COLEC10: variants seen among roughly 807,000 people sequenced by gnomAD.
COLEC10 encodes collectin subfamily member 10.
A neutral mutation model predicts 28.4 loss-of-function variants in COLEC10; 22 were observed. That is an observed-to-expected ratio of 0.78 (90% CI 0.55 to 1.11). COLEC10 has a LOEUF of 1.11. Ranked by LOEUF, COLEC10 falls within the 50% of genes least tolerant of loss-of-function variation. The pLI is 0.00. For missense variants in COLEC10, 361 were observed against 344.1 expected (o/e 1.05, Z -0.39); for synonymous variants, 125 against 116.1 (o/e 1.08, Z -0.49).
chr8:119,105,454 G>A (rs537728219), intron 5 of COLEC10, among the ~76,000 whole-genome samples: 27 of 152,200 alleles, frequency 1.8e-4, no homozygotes, highest in African/African-American at 6.5e-4. Context: ...AGAGAAAAGG[G>A]CCTGCTCATG....
intron 2 of COLEC10, among the ~76,000 whole-genome samples, chr8:119,019,664 C>A (rs1195692532): frequency 6.6e-6 from 1 of 152,088 alleles, no homozygotes; most frequent in African/African-American, 2.4e-5. Context: ...CACCGCTGAA[C>A]CTCCCCCACT....
intron 2 of COLEC10, among the ~76,000 whole-genome samples, chr8:119,090,904 A>G (rs933122680): frequency 6.6e-6 from 1 of 152,214 alleles, no homozygotes; most frequent in African/African-American, 2.4e-5. Context: ...CATTCTAGAA[A>G]TACTACATCA....
At chr8:119,040,696 A>C (rs910758011) in intron 2 of COLEC10, among the ~76,000 whole-genome samples, 5 of 152,210 alleles carry the variant, frequency 3.3e-5, no homozygotes, top group African/African-American at 7.2e-5. Context: ...TAATGAAAGG[A>C]CCATTTACAG....
chr8:119,072,499 G>T (rs1403779057), intron 1 of COLEC10, among the ~76,000 whole-genome samples: 1 of 151,962 alleles, frequency 6.6e-6, no homozygotes, highest in Non-Finnish European at 1.5e-5. Flanking sequence ...AAGGAATTGA[G>T]GTAAGAATTA....
the COLEC10 span, among the ~76,000 whole-genome samples, chr8:118,980,869 T>TTTTTTG: frequency 1.1e-4 from 17 of 152,112 alleles, no homozygotes; most frequent in African/African-American, 3.4e-4. Flanking sequence ...AAATGTGTGT[T>TTTTTTG]TTTTTGTTTT....
intron 1 of COLEC10, among the ~76,000 whole-genome samples, chr8:119,085,721 C>T (rs1038612688): frequency 6.6e-5 from 10 of 150,558 alleles, no homozygotes; most frequent in African/African-American, 9.8e-5. Context: ...CGAGTTCAAG[C>T]GATCTCCTGC....
At chr8:119,084,004 G>A (rs563823447) in intron 1 of COLEC10, among the ~76,000 whole-genome samples, 61 of 152,244 alleles carry the variant, frequency 4.0e-4, no homozygotes, top group African/African-American at 1.3e-3. Flanking sequence ...GGTTGCAAAC[G>A]TATAATGTCT....
chr8:119,087,803 G>A (rs542985940), intron 1 of COLEC10, among the ~76,000 whole-genome samples: 9 of 152,122 alleles, frequency 5.9e-5, no homozygotes, highest in South Asian at 4.2e-4. Flanking sequence ...GGATAGAAAC[G>A]TACATGTTGT....
intron 2 of COLEC10, among the ~76,000 whole-genome samples, chr8:119,023,995 A>G (rs2130113366): frequency 6.6e-6 from 1 of 152,324 alleles, no homozygotes; most frequent in East Asian, 1.9e-4. Flanking sequence ...CATTTGGCAG[A>G]TACATGTTTA....
At chr8:119,073,557 T>C (rs1037218800) in intron 1 of COLEC10, among the ~76,000 whole-genome samples, 1 of 152,132 alleles carries the variant, frequency 6.6e-6, no homozygotes, top group African/African-American at 2.4e-5. Context: ...TTTTCAGTGG[T>C]TTGTTTTTTT....
At chr8:119,087,045 T>A (rs72682431) in intron 1 of COLEC10, among the ~76,000 whole-genome samples, 25,663 of 152,180 alleles carry the variant, frequency 0.17, 2,765 homozygotes, top group African/African-American at 0.3. Flanking sequence ...ATAGTATCCA[T>A]CTCAAAGCTT....
the COLEC10 span, among the ~76,000 whole-genome samples, chr8:118,956,393 A>G: frequency 6.6e-6 from 1 of 152,204 alleles, no homozygotes; most frequent in Non-Finnish European, 1.5e-5. Flanking sequence ...TGTAAGAGAA[A>G]ACTCTCTTAA....
At position 119,087,742 on chromosome 8, in the gene COLEC10, T is replaced by C. The variant is rs141922793; in HGVS notation, c.149-1938T>C. ...TGTAAAATCCACCATCTGCTAAGAG[T>C]CACAGAACCTAGACCAAAAGGGACA... On this transcript the variant is annotated intron_variant, in intron 1 of 5. Transcript: ENST00000332843. Among the ~76,000 whole-genome samples the C allele has an allele frequency of 3.2e-3, 481 of 151,934 alleles. 1 individual carries two copies. Among genetic ancestry groups the C allele is most frequent in the African/African-American group, 0.011 (468 of 41,424 alleles).
chr8:119,055,552 A>G (rs541804362), intron 2 of COLEC10, among the ~76,000 whole-genome samples: 1 of 152,054 alleles, frequency 6.6e-6, no homozygotes, highest in African/African-American at 2.4e-5. Flanking sequence ...AGCTGGCTCC[A>G]TGCCTCAAAA....
intron 2 of COLEC10, among the ~76,000 whole-genome samples, chr8:119,051,355 C>A (rs1445579565): frequency 6.6e-6 from 1 of 152,184 alleles, no homozygotes; most frequent in African/African-American, 2.4e-5. Context: ...TGATTCCCAA[C>A]AATCTGGCTG....
At chr8:119,021,386 G>T (rs1476655047) in intron 2 of COLEC10, among the ~76,000 whole-genome samples, 1 of 152,150 alleles carries the variant, frequency 6.6e-6, no homozygotes, top group Non-Finnish European at 1.5e-5. Flanking sequence ...ACTCCCTGCA[G>T]ATGAACTACA....
At chr8:118,978,086 A>C in the COLEC10 span, among the ~76,000 whole-genome samples, 2 of 152,072 alleles carry the variant, frequency 1.3e-5, no homozygotes, top group Non-Finnish European at 2.9e-5. Context: ...AATGGAGGAG[A>C]CTCATACCAA....
intron 1 of COLEC10, among the ~76,000 whole-genome samples, chr8:119,088,736 C>G (rs529658493): frequency 2.0e-5 from 3 of 152,044 alleles, no homozygotes; most frequent in Non-Finnish European, 4.4e-5. Flanking sequence ...CTTGTTGATC[C>G]GAAAACAACT....
the COLEC10 span, among the ~76,000 whole-genome samples, chr8:118,971,525 A>G: frequency 1.3e-5 from 2 of 151,938 alleles, no homozygotes; most frequent in Non-Finnish European, 2.9e-5. Flanking sequence ...GGTAGCTCCA[A>G]ATAGTTCTAG....
Sources: allele counts gnomAD v4.1 joint callset (sites outside exome capture counted in the v4.1 genomes callset), GRCh38; gene constraint gnomAD v4.1.1; transcripts MANE v1.5; gene names NCBI Gene and HGNC (gene_info 2026-07-23, HGNC 2026-07-21).